The following LINS1 variants were observed in gnomAD, a reference collection of about 807,000 sequenced individuals.
The protein encoded by LINS1 is protein Lines homolog 1.
In LINS1, 27 loss-of-function variants were observed where a neutral mutation model predicts 41.6. That is an observed-to-expected ratio of 0.65 (90% CI 0.48 to 0.89). LINS1 has a LOEUF of 0.89. Among genes scored for constraint, LINS1 ranks in the 40% least tolerant of loss-of-function variants. The pLI, the probability that LINS1 is intolerant of heterozygous loss-of-function variation, is 0.00. For missense variants in LINS1, 955 were observed against 884.1 expected, an observed-to-expected ratio of 1.08 and a Z score of -1.02; for synonymous variants, 336 against 312.9, an observed-to-expected ratio of 1.07 and a Z score of -0.78.
chr15:100,594,467 A>G (rs149401525), intron 1 of LINS1, among the ~76,000 whole-genome samples: 57 of 152,290 alleles, frequency 3.7e-4, no homozygotes, highest in African/African-American at 1.3e-3. Flanking sequence ...TCTGAACAAA[A>G]CAAAGGGCAG....
chr15:100,576,187 A>C (rs2038163969), intron 3 of LINS1, among the ~76,000 whole-genome samples: 1 of 152,192 alleles, frequency 6.6e-6, no homozygotes, highest in African/African-American at 2.4e-5. Flanking sequence ...AGCAGAACTG[A>C]AGGAGATAGA....
At chr15:100,600,880 C>G (rs1426926615) in intron 1 of LINS1, among the ~76,000 whole-genome samples, 1 of 152,156 alleles carries the variant, frequency 6.6e-6, no homozygotes, top group East Asian at 1.9e-4. Flanking sequence ...ATCCACTTTC[C>G]TTAGGATACA....
intron 3 of LINS1, among the ~76,000 whole-genome samples, chr15:100,578,245 A>G (rs1449514546): frequency 2.0e-5 from 3 of 152,088 alleles, no homozygotes; most frequent in South Asian, 2.1e-4. Context: ...ACAACCTACA[A>G]AATGGGAGAA....
At chr15:100,579,309 T>C (rs906774856) in intron 3 of LINS1, among the ~76,000 whole-genome samples, 4 of 151,914 alleles carry the variant, frequency 2.6e-5, no homozygotes, top group Non-Finnish European at 4.4e-5. Context: ...AGGTAGACTA[T>C]AACAATTCAG....
At chr15:100,582,643 C>T (rs200390627) in intron 1 of LINS1, among the ~76,000 whole-genome samples, 1 of 115,364 alleles carries the variant, frequency 8.7e-6, no homozygotes, top group South Asian at 2.8e-4. Flanking sequence ...CTGGGTCTTC[C>T]ATCTACACTA....
At position 100,569,803 on chromosome 15, in the gene LINS1, T is replaced by C; in HGVS notation, c.1709A>G (p.Asn570Ser). ...VPSLVQDQSSNQTIPHRLTAP... is the reference protein window; with the variant it reads ...VPSLVQDQSSSQTIPHRLTAP... Reference sequence around the variant, plus strand: ...AGTCAAACGATGGGGTATTGTTTGGTTGGAGCTTTGGTCTTGGACAAGTGA... The same window carrying C: ...AGTCAAACGATGGGGTATTGTTTGGCTGGAGCTTTGGTCTTGGACAAGTGA... Residue 570 changes from asparagine to serine, a missense_variant, in exon 7 of 7, where the codon AAC (asparagine) becomes AGC (serine). Coordinates refer to ENST00000314742, the MANE Select transcript of LINS1 (RefSeq NM_001040616.3). 1 of 1,614,112 alleles carries C rather than the reference T, an allele frequency of 6.2e-7. No individual in the cohort carries two copies. The highest frequency in any genetic ancestry group is 8.5e-7 in the Non-Finnish European group (1 of 1,179,996).
In LINS1 at chr15:100,592,166, A is replaced by G. The variant is rs2039066227; in HGVS notation, c.-104+9955T>C. On this transcript the variant is annotated intron_variant, in intron 1 of 6. Coordinates refer to ENST00000314742, the MANE Select transcript of LINS1 (RefSeq NM_001040616.3). The stretch of plus-strand genomic sequence containing the variant: ...AGAAAATTCTGTAACGGGGCTCTTG[A>G]GCCCCTATGCTTGGCCCACTCCCAC... Among the ~76,000 whole-genome samples, 3 of 152,182 alleles carry G rather than the reference A, an allele frequency of 2.0e-5. No individual in the cohort carries two copies. In the South Asian group the frequency reaches 6.2e-4, roughly 32 times the overall value.
At chr15:100,594,856 C>A (rs767236768) in intron 1 of LINS1, among the ~76,000 whole-genome samples, 2 of 152,146 alleles carry the variant, frequency 1.3e-5, no homozygotes, top group African/African-American at 2.4e-5. Flanking sequence ...GCAGAACCTA[C>A]TGGAATGGAA....
chr15:100,584,737 AT>A (rs1191130829), intron 1 of LINS1, among the ~76,000 whole-genome samples: 13 of 152,154 alleles, frequency 8.5e-5, no homozygotes, highest in Admixed American at 8.5e-4. Flanking sequence ...CTCCAATTCA[AT>A]TCTACATTAT....
intron 1 of LINS1, among the ~76,000 whole-genome samples, chr15:100,589,437 T>C (rs941147734): frequency 1.3e-5 from 2 of 152,220 alleles, no homozygotes; most frequent in African/African-American, 4.8e-5. Flanking sequence ...AATTTACCTA[T>C]GATAACCCAT....
At chr15:100,582,079 A>G (rs542862315) in intron 1 of LINS1, among the ~76,000 whole-genome samples, 1 of 152,356 alleles carries the variant, frequency 6.6e-6, no homozygotes, top group South Asian at 2.1e-4. Flanking sequence ...GAAGTCTACC[A>G]CTTACACTGG....
intron 3 of LINS1, among the ~76,000 whole-genome samples, chr15:100,575,595 G>A (rs561350243): frequency 4.3e-4 from 65 of 152,266 alleles, no homozygotes; most frequent in Non-Finnish European, 9.0e-4. Context: ...ACACCCCACT[G>A]TCAACATTAG....
chr15:100,598,783 T>C (rs2039353277), intron 1 of LINS1, among the ~76,000 whole-genome samples: 1 of 152,336 alleles, frequency 6.6e-6, no homozygotes, highest in African/African-American at 2.4e-5. Context: ...TGCATCTGTC[T>C]TTATGGTGGC....
intron 1 of LINS1, among the ~76,000 whole-genome samples, chr15:100,588,777 T>C (rs1385909792): frequency 6.6e-6 from 1 of 152,194 alleles, no homozygotes; most frequent in Non-Finnish European, 1.5e-5. Context: ...TAAAGTAAAA[T>C]AACTGCTTGT....
chr15:100,568,467 G>A lies in LINS1; in HGVS notation c.*771C>T. The stretch of plus-strand genomic sequence containing the variant: ...CAGACACAGGAAAATGCCATGTGAG[G>A]CAGGAACTGGAGTGACGCCACTACA... On this transcript the variant is annotated 3_prime_UTR_variant, in exon 7 of 7. Coordinates refer to ENST00000314742, the MANE Select transcript of LINS1 (RefSeq NM_001040616.3). The A allele has an allele frequency of 6.6e-6, 1 of 152,398 alleles. No individual in the cohort carries two copies. The highest frequency in any genetic ancestry group is 1.5e-5 in the Non-Finnish European group (1 of 68,090). The allele number at this position is 152,398 out of a possible 1,614,324, so 9.4% of individuals were successfully genotyped here. A position where few individuals can be genotyped will look rare whatever the true frequency, so the allele number is the denominator to read the frequency against.
rs983620212 is a variant in LINS1, at chr15:100,582,636, G to C, written c.-103-1691C>G. On this transcript the variant is annotated intron_variant, in intron 1 of 6. Coordinates refer to ENST00000314742, the MANE Select transcript of LINS1 (RefSeq NM_001040616.3). ...CTAGCCTAGTCTTGGTCTTACACTG[G>C]GTCTTCCATCTACACTATGGCCCAC... Among the ~76,000 whole-genome samples the C allele has an allele frequency of 2.0e-4, 29 of 145,678 alleles. 1 individual carries two copies. The highest frequency in any genetic ancestry group is 6.2e-4 in the African/African-American group (24 of 38,568).
At position 100,581,308 on chromosome 15, in the gene LINS1, C is replaced by T. The variant is rs74039432; in HGVS notation, c.-103-363G>A. Among the ~76,000 whole-genome samples, 297 of 152,260 alleles carry T rather than the reference C, an allele frequency of 2.0e-3. 2 individuals are homozygous for T. Among genetic ancestry groups the T allele is most frequent in the African/African-American group, 6.5e-3 (271 of 41,566 alleles). On this transcript the variant is annotated intron_variant, in intron 1 of 6. Transcript: ENST00000314742. ...TATTATAAGATGTTTGGCAGCATTC[C>T]TGACCTCTACCTTCTACATGCCCAA...
chr15:100,577,422 A>T (rs944839709), intron 3 of LINS1, among the ~76,000 whole-genome samples: 6 of 152,220 alleles, frequency 3.9e-5, no homozygotes, highest in African/African-American at 1.4e-4. Flanking sequence ...TCCCATTCAC[A>T]ATTGCTTCAA....
intron 1 of LINS1, among the ~76,000 whole-genome samples, chr15:100,598,920 T>G (rs1187648823): frequency 6.6e-6 from 1 of 152,190 alleles, no homozygotes; most frequent in African/African-American, 2.4e-5. Context: ...CACAGCCTCC[T>G]GGGCAGTGGT....
Sources: allele counts gnomAD v4.1 joint callset (sites outside exome capture counted in the v4.1 genomes callset), GRCh38; gene constraint gnomAD v4.1.1; transcripts MANE v1.5; gene names NCBI Gene and HGNC (gene_info 2026-07-23, HGNC 2026-07-21).